CLIC5: variants seen among roughly 807,000 people sequenced by gnomAD.
The protein encoded by CLIC5 is chloride intracellular channel protein 5.
Under a neutral mutation model 24.7 loss-of-function variants are expected in CLIC5, and 20 were observed. The ratio of observed to expected loss-of-function variants is 0.81; its 90% CI spans 0.57 to 1.18. The LOEUF (loss-of-function observed/expected upper bound fraction) is 1.18. Among genes scored for constraint, CLIC5 ranks in the 50% most tolerant of loss-of-function variants. The probability of loss-of-function intolerance (pLI) is 0.00; values close to 1 mark genes in which losing one functional copy is unlikely to be tolerated. For missense variants in CLIC5, 341 were observed against 326.1 expected (o/e 1.05, Z -0.35); for synonymous variants, 159 against 135.6 (o/e 1.17, Z -1.20).
chr6:46,016,797 G>C (rs549096364), upstream of CLIC5, among the ~76,000 whole-genome samples: 15 of 152,120 alleles, frequency 9.9e-5, no homozygotes, highest in Non-Finnish European at 1.9e-4. Context: ...CCATTATTCT[G>C]GCTTGTAGCA....
intron 1 of CLIC5, among the ~76,000 whole-genome samples, chr6:45,977,836 T>C (rs942705333): frequency 6.6e-6 from 1 of 152,224 alleles, no homozygotes; most frequent in Non-Finnish European, 1.5e-5. Context: ...TTGTGTATAG[T>C]TCATTTCATT....
At chr6:46,026,232 T>C (rs1767327747) in intron 1 of CLIC5, among the ~76,000 whole-genome samples, 1 of 152,162 alleles carries the variant, frequency 6.6e-6, no homozygotes, top group South Asian at 2.1e-4. Flanking sequence ...GAAGAATCTA[T>C]CCTAAAGGTG....
chr6:45,913,585 G>A (rs1762899749), intron 5 of CLIC5, among the ~76,000 whole-genome samples: 1 of 152,198 alleles, frequency 6.6e-6, no homozygotes, highest in Non-Finnish European at 1.5e-5. Flanking sequence ...GGTCCAGGTT[G>A]AAGTGGGAGA....
At chr6:46,061,663 G>A (rs1056144619) in intron 1 of CLIC5, among the ~76,000 whole-genome samples, 1 of 152,214 alleles carries the variant, frequency 6.6e-6, no homozygotes, top group East Asian at 1.9e-4. Flanking sequence ...CACTTAATGG[G>A]CCTGGACGTG....
At chr6:46,003,090 T>C (rs1766418794) in intron 1 of CLIC5, among the ~76,000 whole-genome samples, 1 of 152,206 alleles carries the variant, frequency 6.6e-6, no homozygotes, top group Non-Finnish European at 1.5e-5. Flanking sequence ...CAGTCTGACC[T>C]TCAGTTTCCT....
chr6:45,896,075 A>C (rs769141194), downstream of CLIC5, among the ~76,000 whole-genome samples: 1 of 152,222 alleles, frequency 6.6e-6, no homozygotes, highest in Non-Finnish European at 1.5e-5. Flanking sequence ...ACCCAATTGC[A>C]GGGCCTCAGG....
chr6:45,886,623 A>T (rs1345866779), intron 6 of CLIC5, among the ~76,000 whole-genome samples: 2 of 152,212 alleles, frequency 1.3e-5, no homozygotes, highest in East Asian at 3.9e-4. Flanking sequence ...ATCACCTGAA[A>T]GGAAATCTGA....
rs562452289 is a variant in CLIC5 at position 46,068,373 on chromosome 6, G to T, written c.540+11330C>A. 1.4e-3 allele frequency among the ~76,000 whole-genome samples: 208 copies of T among 152,192 alleles called. 2 individuals are homozygous for T. The highest frequency in any genetic ancestry group is 4.6e-3 in the African/African-American group (190 of 41,530). ...ACTCTTACTACTGCTGCCAGCCACT[G>T]GCCCAAGGCTTCCTCCTCCCTCATT... is the stretch of plus-strand genomic sequence containing the variant. On this transcript the variant is annotated intron_variant, in intron 1 of 5. Coordinates refer to the CLIC5 transcript ENST00000185206.
chr6:46,036,688 T>C (rs369481600), intron 1 of CLIC5, among the ~76,000 whole-genome samples: 2 of 152,244 alleles, frequency 1.3e-5, no homozygotes, highest in East Asian at 3.8e-4. Flanking sequence ...GTGCTGGAAA[T>C]GTGCTCAGTA....
intron 6 of CLIC5, among the ~76,000 whole-genome samples, chr6:45,884,111 C>T (rs1370487820): frequency 6.6e-6 from 1 of 152,146 alleles, no homozygotes; most frequent in African/African-American, 2.4e-5. Flanking sequence ...AGTGATGCCT[C>T]CAGGGGCCTG....
At chr6:46,122,159 A>G in the CLIC5 span, among the ~76,000 whole-genome samples, 1 of 152,222 alleles carries the variant, frequency 6.6e-6, no homozygotes, top group Non-Finnish European at 1.5e-5. Context: ...ACCTATTCCA[A>G]AACTGACCAC....
chr6:46,017,637 T>A (rs967282498), upstream of CLIC5, among the ~76,000 whole-genome samples: 2 of 152,182 alleles, frequency 1.3e-5, no homozygotes, highest in Non-Finnish European at 2.9e-5. Flanking sequence ...CAAAATCCCT[T>A]TCAGAATAAT....
chr6:45,992,064 G>T (rs1278247630), intron 1 of CLIC5, among the ~76,000 whole-genome samples: 1 of 152,204 alleles, frequency 6.6e-6, no homozygotes, highest in Non-Finnish European at 1.5e-5. Flanking sequence ...CGATGGAAGA[G>T]AAAGTTGTAT....
chr6:45,982,726 C>T (rs531445787), intron 1 of CLIC5, among the ~76,000 whole-genome samples: 113 of 152,350 alleles, frequency 7.4e-4, no homozygotes, highest in African/African-American at 2.5e-3. Context: ...CTCTGCAACT[C>T]ATGAGACATT....
At chr6:46,086,322 A>C in the CLIC5 span, among the ~76,000 whole-genome samples, 1 of 152,144 alleles carries the variant, frequency 6.6e-6, no homozygotes, top group Non-Finnish European at 1.5e-5. Flanking sequence ...TGCAGAAATC[A>C]CCCGTCTTCT....
At chr6:46,025,095 G>C (rs1048045242) in intron 1 of CLIC5, among the ~76,000 whole-genome samples, 46 of 152,052 alleles carry the variant, frequency 3.0e-4, no homozygotes, top group Admixed American at 9.8e-4. Context: ...ACTAGACTGA[G>C]ATCCAGAAAT....
At chr6:46,069,028 C>T (rs1460629298) in intron 1 of CLIC5, among the ~76,000 whole-genome samples, 1 of 152,096 alleles carries the variant, frequency 6.6e-6, no homozygotes, top group Non-Finnish European at 1.5e-5. Context: ...GAAAGCCCTC[C>T]TGAAAAGGTG....
At chr6:46,081,386 T>A (rs527250053), upstream of CLIC5, among the ~76,000 whole-genome samples, 8 of 152,326 alleles carry the variant, frequency 5.3e-5, no homozygotes, top group East Asian at 1.5e-3. Context: ...GCAATGCAAC[T>A]CCTGTTGACA....
At position 46,007,998 on chromosome 6, in the gene CLIC5, A is replaced by G. The variant is rs1275628446; in HGVS notation, c.63+7482T>C. ...TGTTACATGCATAGATTGTGCAGTGATCAAGTCAGGACTTTTAGGGTATCC... is the reference window on the plus strand; with the variant it reads ...TGTTACATGCATAGATTGTGCAGTGGTCAAGTCAGGACTTTTAGGGTATCC... On this transcript the variant is annotated intron_variant, in intron 1 of 5. Transcript: ENST00000339561. 3.4e-5 allele frequency among the ~76,000 whole-genome samples: 5 copies of G among 148,438 alleles called. No individual in the cohort carries two copies. The South Asian group carries it at 1.1e-3, about 32-fold the overall frequency.
Sources: allele counts gnomAD v4.1 joint callset (sites outside exome capture counted in the v4.1 genomes callset), GRCh38; gene constraint gnomAD v4.1.1; transcripts MANE v1.5; gene names NCBI Gene and HGNC (gene_info 2026-07-23, HGNC 2026-07-21).